Variants in FAM13A observed in about 807,000 individuals in gnomAD.
FAM13A encodes the protein protein FAM13A.
A neutral mutation model predicts 129.6 loss-of-function variants in FAM13A; 76 were observed. The ratio of observed to expected loss-of-function variants is 0.59; its 90% CI spans 0.49 to 0.71. FAM13A has a LOEUF of 0.71. FAM13A is among the 30% of genes least tolerant of loss of function. The pLI, the probability that FAM13A is intolerant of heterozygous loss-of-function variation, is 0.00. For synonymous variants in FAM13A, 443 were observed against 449.9 expected (o/e 0.98, Z 0.20); for missense variants, 1,108 against 1,249.3 (o/e 0.89, Z 1.70).
chr4:88,739,143 G>C lies in FAM13A; in HGVS notation c.2467-18C>G, dbSNP rs773112301. 6.3e-7 allele frequency: 1 copy of C among 1,575,776 alleles called. No homozygotes were observed. Among genetic ancestry groups the C allele is most frequent in the African/African-American group, 1.3e-5 (1 of 74,094 alleles). ...TTTGTTACCTGAAAAGCAAGAATGA[G>C]AGCTATGAGAAGCCTGCTGCTGGGA... On this transcript the variant is annotated intron_variant, in intron 19 of 23. Coordinates refer to ENST00000264344, the MANE Select transcript of FAM13A (RefSeq NM_014883.4).
At chr4:89,017,645 G>T (rs1311417903) in intron 3 of FAM13A, among the ~76,000 whole-genome samples, 1 of 151,968 alleles carries the variant, frequency 6.6e-6, no homozygotes, top group East Asian at 1.9e-4. Context: ...CAAATATTTT[G>T]CATTAAGCAT....
intron 18 of FAM13A, 109 bp from the exon 19 acceptor site, chr4:88,747,124 AG>A: frequency 1.5e-6 from 1 of 686,662 alleles, no homozygotes; most frequent in Non-Finnish European, 2.5e-6. Context: ...CTCATATAAC[AG>A]CTCTCCCTAG....
chr4:88,888,302 C>T (rs1561257010), intron 6 of FAM13A, among the ~76,000 whole-genome samples: 1 of 151,958 alleles, frequency 6.6e-6, no homozygotes, highest in Non-Finnish European at 1.5e-5. Flanking sequence ...TATAAGATAG[C>T]TTTGTACTGC....
At chr4:88,945,785 ATATATATATATAAG>A (rs1417605838) in intron 4 of FAM13A, among the ~76,000 whole-genome samples, 39 of 142,860 alleles carry the variant, frequency 2.7e-4, no homozygotes, top group African/African-American at 1.5e-4. Flanking sequence ...ATGTGGTTGT[ATATATATATATAAG>A]TATATATATA....
chr4:88,954,674 C>G (rs1307631782), intron 4 of FAM13A, among the ~76,000 whole-genome samples: 1 of 152,094 alleles, frequency 6.6e-6, no homozygotes, highest in Non-Finnish European at 1.5e-5. Flanking sequence ...TGCCTGAGCT[C>G]AGGAGTTCGT....
At chr4:89,039,928 G>A (rs60843670) in intron 1 of FAM13A, among the ~76,000 whole-genome samples, 2,223 of 151,684 alleles carry the variant, frequency 0.015, 58 homozygotes, top group African/African-American at 0.051. Context: ...ACTCCAGCTC[G>A]GGTGACAGAG....
intron 4 of FAM13A, among the ~76,000 whole-genome samples, chr4:88,984,819 A>AT (rs1309801596): frequency 6.6e-6 from 1 of 152,176 alleles, no homozygotes; most frequent in Non-Finnish European, 1.5e-5. Flanking sequence ...TGATGGGAAT[A>AT]TATGAGGGAA....
intron 4 of FAM13A, among the ~76,000 whole-genome samples, chr4:88,963,357 G>T (rs1057274512): frequency 6.6e-6 from 1 of 151,650 alleles, no homozygotes; most frequent in Non-Finnish European, 1.5e-5. Flanking sequence ...GAGTGCAGTG[G>T]TGTGATCTCA....
At position 88,787,860 on chromosome 4, in the gene FAM13A, A is replaced by G; in HGVS notation, c.1164T>C (p.Ser388=). The G allele has an allele frequency of 6.2e-7, 1 of 1,613,656 alleles. No individual in the cohort carries two copies. Among genetic ancestry groups the G allele is most frequent in the Non-Finnish European group, 8.5e-7 (1 of 1,179,740 alleles). Residue 388 remains serine (S), a synonymous_variant, in exon 10 of 24, where the codon AGT becomes AGC. Coordinates refer to ENST00000264344, the MANE Select transcript of FAM13A (RefSeq NM_014883.4). ...LFDVNNSGGQ[S]SEDSESGTLS... Reference sequence around the variant, plus strand: ...GTGTTCCAGATTCTGAGTCCTCTGAACTTTGACCTCCAGAGTTATTAACAT... The same window carrying G: ...GTGTTCCAGATTCTGAGTCCTCTGAGCTTTGACCTCCAGAGTTATTAACAT...
chr4:88,971,376 T>A (rs1041399417), intron 4 of FAM13A, among the ~76,000 whole-genome samples: 4 of 152,228 alleles, frequency 2.6e-5, no homozygotes, highest in Non-Finnish European at 2.9e-5. Flanking sequence ...CAAGCATGTA[T>A]TTGGCAGTCT....
chr4:88,848,555 A>G (rs11935135), intron 7 of FAM13A, among the ~76,000 whole-genome samples: 2,369 of 152,318 alleles, frequency 0.016, 62 homozygotes, highest in African/African-American at 0.054. Context: ...ACAAAGACTC[A>G]TCCACACCTG....
At chr4:88,812,265 A>C (rs550174676) in intron 7 of FAM13A, among the ~76,000 whole-genome samples, 20 of 152,264 alleles carry the variant, frequency 1.3e-4, no homozygotes, top group African/African-American at 3.4e-4. Flanking sequence ...AATTGTACGG[A>C]TTATGTCTCA....
intron 23 of FAM13A, chr4:88,729,516 C>A (rs1367536913): frequency 6.6e-6 from 1 of 152,190 alleles, no homozygotes; most frequent in Non-Finnish European, 1.5e-5. Context: ...TAAAAATAAA[C>A]TGATCTTATT....
chr4:88,991,092 G>A lies in FAM13A; in HGVS notation c.486C>T (p.Asp162=). ...SLRDLIKELP[D]THYCLLKYLC... Reference sequence around the variant, plus strand: ...GGTACTTGAGGAGGCAGTAGTGGGTGTCTGGCAGCTCTTTTATTAAGTCTC... The same window carrying A: ...GGTACTTGAGGAGGCAGTAGTGGGTATCTGGCAGCTCTTTTATTAAGTCTC... Residue 162 remains aspartate (D), a synonymous_variant, in exon 4 of 24, where the codon GAC becomes GAT. Transcript: ENST00000264344. 6 of 1,613,624 alleles carry A rather than the reference G, an allele frequency of 3.7e-6. No homozygotes were observed. Among genetic ancestry groups the A allele is most frequent in the Non-Finnish European group, 5.1e-6 (6 of 1,179,566 alleles).
At chr4:88,978,439 T>C (rs1285675252) in intron 4 of FAM13A, among the ~76,000 whole-genome samples, 2 of 151,796 alleles carry the variant, frequency 1.3e-5, no homozygotes, top group Non-Finnish European at 2.9e-5. Flanking sequence ...GAAAAAAAAA[T>C]GCTGTAAACT....
chr4:88,966,390 A>C (rs1368572449), intron 4 of FAM13A, among the ~76,000 whole-genome samples: 1 of 152,126 alleles, frequency 6.6e-6, no homozygotes, highest in Non-Finnish European at 1.5e-5. Context: ...ACTATGTTCT[A>C]GGCGTTGGCA....
At chr4:88,976,869 T>C (rs1178859566) in intron 4 of FAM13A, among the ~76,000 whole-genome samples, 1 of 152,176 alleles carries the variant, frequency 6.6e-6, no homozygotes, top group Admixed American at 6.5e-5. Flanking sequence ...ATGCTCACCA[T>C]TGTATTACAA....
chr4:88,913,011 G>T (rs1403412329), intron 5 of FAM13A, among the ~76,000 whole-genome samples: 7 of 140,818 alleles, frequency 5.0e-5, no homozygotes. Flanking sequence ...GGAAGAAGAG[G>T]AGGAGGAGGA....
Position 89,056,468 on chromosome 4 carries a change from T to C in FAM13A, c.27+470A>G, listed in dbSNP as rs1275991911. Among the ~76,000 whole-genome samples the C allele has an allele frequency of 2.0e-5, 3 of 152,240 alleles. No individual in the cohort carries two copies. The East Asian group carries it at 5.8e-4, about 29-fold the overall frequency. ...GCTTCTCCACCATCACTTTCAGCAA[T>C]CATGCTGAAACAGAAACTCCAGAAT... is the stretch of plus-strand genomic sequence containing the variant. On this transcript the variant is annotated intron_variant, in intron 1 of 23. Transcript: ENST00000264344.
Sources: allele counts gnomAD v4.1 joint callset (sites outside exome capture counted in the v4.1 genomes callset), GRCh38; gene constraint gnomAD v4.1.1; transcripts MANE v1.5; gene names NCBI Gene and HGNC (gene_info 2026-07-23, HGNC 2026-07-21).